The following RNFT2 variants were observed in gnomAD, a reference collection of about 807,000 sequenced individuals.
The protein encoded by RNFT2 is ring finger protein, transmembrane 2.
A neutral mutation model predicts 53.0 loss-of-function variants in RNFT2; 36 were observed. The observed-to-expected ratio is 0.68, with a 90% confidence interval of 0.52 to 0.90. RNFT2 has a LOEUF of 0.90. RNFT2 is among the 40% of genes least tolerant of loss of function. The pLI is 0.00. For synonymous variants in RNFT2, 260 were observed against 253.2 expected (o/e 1.03, Z -0.26); for missense variants, 514 against 585.6 (o/e 0.88, Z 1.26).
At chr12:116,754,772 T>C (rs556595082) in intron 5 of RNFT2, among the ~76,000 whole-genome samples, 1 of 152,338 alleles carries the variant, frequency 6.6e-6, no homozygotes, top group South Asian at 2.1e-4. Context: ...TTGTTGGCCA[T>C]TTGTATATCT....
intron 7 of RNFT2, among the ~76,000 whole-genome samples, chr12:116,813,649 A>G (rs143967639): frequency 5.2e-5 from 8 of 152,384 alleles, no homozygotes; most frequent in Middle Eastern, 3.4e-3. Context: ...AGTCTCTTGT[A>G]TATTTCATTT....
intron 5 of RNFT2, among the ~76,000 whole-genome samples, chr12:116,763,474 A>G (rs907968120): frequency 2.6e-5 from 4 of 152,182 alleles, no homozygotes; most frequent in African/African-American, 9.7e-5. Flanking sequence ...TTAAAGAACT[A>G]AAAGTAGAAC....
At chr12:116,784,696 T>C (rs1873854725) in intron 7 of RNFT2, among the ~76,000 whole-genome samples, 1 of 152,186 alleles carries the variant, frequency 6.6e-6, no homozygotes, top group African/African-American at 2.4e-5. Flanking sequence ...TAACTCTTCC[T>C]CTTTCTTCCT....
At chr12:116,741,471 T>C (rs1871605866) in intron 3 of RNFT2, among the ~76,000 whole-genome samples, 1 of 152,214 alleles carries the variant, frequency 6.6e-6, no homozygotes, top group Admixed American at 6.5e-5. Context: ...GCATATTCAG[T>C]GTCTGCGAAA....
intron 7 of RNFT2, among the ~76,000 whole-genome samples, chr12:116,785,047 A>T (rs1185312232): frequency 1.3e-5 from 2 of 151,964 alleles, no homozygotes; most frequent in African/African-American, 4.8e-5. Context: ...TGCCCCTGCC[A>T]CCAGCATCAC....
intron 3 of RNFT2, among the ~76,000 whole-genome samples, chr12:116,745,438 G>A (rs1871852729): frequency 6.6e-6 from 1 of 152,026 alleles, no homozygotes; most frequent in African/African-American, 2.4e-5. Context: ...GCCTCCCGAA[G>A]TGCTGGGATT....
intron 7 of RNFT2, chr12:116,801,014 A>C (rs1874767509): frequency 6.6e-6 from 1 of 152,052 alleles, no homozygotes. Flanking sequence ...TTGTTTGTGT[A>C]TTTATCCACT....
chr12:116,832,144 A>ATATATATATATATATATATAT (rs1414365866), intron 7 of RNFT2, among the ~76,000 whole-genome samples: 7 of 52,262 alleles, frequency 1.3e-4, no homozygotes, highest in African/African-American at 3.6e-4. Context: ...AAAAAAAAAA[A>ATATATATATATATATATATAT]AAAAATATAT....
chr12:116,749,758 T>G, intron 3 of RNFT2, 83 bp from the exon 4 acceptor site: 2 of 1,191,230 alleles, frequency 1.7e-6, no homozygotes, highest in Non-Finnish European at 2.4e-6. Context: ...ACATAATTGA[T>G]ATTATTAGTC....
Position 116,740,327 on chromosome 12 carries a change from G to C in RNFT2, c.-153-18G>C. 2 of 618,524 alleles carry C rather than the reference G, an allele frequency of 3.2e-6. No homozygotes were observed. Among genetic ancestry groups the C allele is most frequent in the Non-Finnish European group, 5.8e-6 (2 of 342,476 alleles). 38.3% of individuals were successfully genotyped at this position (618,524 alleles called of 1,614,324 possible). A position where few individuals can be genotyped will look rare whatever the true frequency, so the allele number is the denominator to read the frequency against. On this transcript the variant is annotated intron_variant, in intron 1 of 10. Transcript: ENST00000257575. ...GGTATCGCAGGGACTGTTCATCCAG[G>C]TGTTCTGTTCCATCCAGGTTTGGAG...
chr12:116,750,368 G>A (rs973611524), intron 4 of RNFT2, 61 bp downstream of exon 4: 23 of 1,476,048 alleles, frequency 1.6e-5, no homozygotes, highest in African/African-American at 8.4e-5. Context: ...GCCTGCAGCC[G>A]GTGGGGTGGG....
intron 7 of RNFT2, among the ~76,000 whole-genome samples, chr12:116,781,643 G>A (rs540959783): frequency 1.6e-4 from 25 of 151,912 alleles, no homozygotes; most frequent in South Asian, 6.3e-4. Flanking sequence ...CCTGATTCTC[G>A]CCCTCCTGCC....
At chr12:116,840,275 C>G (rs913948810) in intron 10 of RNFT2, among the ~76,000 whole-genome samples, 16 of 152,184 alleles carry the variant, frequency 1.1e-4, no homozygotes, top group Admixed American at 9.8e-4. Context: ...TTCACAGACA[C>G]TTCGGGCGGG....
chr12:116,800,470 A>G (rs1270054663), intron 7 of RNFT2, among the ~76,000 whole-genome samples: 1 of 145,828 alleles, frequency 6.9e-6, no homozygotes, highest in Non-Finnish European at 1.5e-5. Flanking sequence ...TTTCTCTACT[A>G]TAAATATAAA....
intron 7 of RNFT2, among the ~76,000 whole-genome samples, chr12:116,817,210 A>C (rs1462375302): frequency 6.6e-6 from 1 of 152,142 alleles, no homozygotes; most frequent in Non-Finnish European, 1.5e-5. Context: ...ATGGGGTTTC[A>C]CGATGTTGGC....
chr12:116,801,896 A>G (rs886520780), intron 7 of RNFT2, among the ~76,000 whole-genome samples: 8 of 151,962 alleles, frequency 5.3e-5, no homozygotes, highest in Non-Finnish European at 8.8e-5. Context: ...ATCTTGGCTC[A>G]TTGCCACCTC....
Position 116,852,764 on chromosome 12 carries a change from C to A in RNFT2, c.*3316C>A. 7.6e-6 allele frequency: 12 copies of A among 1,577,390 alleles called. No homozygotes were observed. Among genetic ancestry groups the A allele is most frequent in the Non-Finnish European group, 1.0e-5 (12 of 1,146,780 alleles). On this transcript the variant is annotated 3_prime_UTR_variant, in exon 11 of 11. Transcript: ENST00000257575. ...AGACCTGGAATTCTGATTCCAAACT[C>A]TTTATTACTTTGGGAAGTCACTCAG...
intron 6 of RNFT2, among the ~76,000 whole-genome samples, chr12:116,776,302 G>A (rs988863695): frequency 6.6e-6 from 1 of 152,082 alleles, no homozygotes; most frequent in Non-Finnish European, 1.5e-5. Flanking sequence ...AAATGGAAAG[G>A]ATAAGGCAGA....
At chr12:116,773,071 C>T (rs1244717040) in intron 6 of RNFT2, among the ~76,000 whole-genome samples, 1 of 152,160 alleles carries the variant, frequency 6.6e-6, no homozygotes, top group Non-Finnish European at 1.5e-5. Flanking sequence ...TTGTGATCCA[C>T]CTGCCTCGGC....
Sources: allele counts gnomAD v4.1 joint callset (sites outside exome capture counted in the v4.1 genomes callset), GRCh38; gene constraint gnomAD v4.1.1; transcripts MANE v1.5; gene names NCBI Gene and HGNC (gene_info 2026-07-23, HGNC 2026-07-21).